Variants in IRAG2 observed in about 807,000 individuals in gnomAD.
The protein encoded by IRAG2 is lymphoid restricted membrane protein.
In IRAG2, 45 loss-of-function variants were observed where a neutral mutation model predicts 69.9. The observed-to-expected ratio is 0.64, with a 90% CI of 0.51 to 0.83. IRAG2 has a LOEUF of 0.83. Ranked by LOEUF, IRAG2 falls within the 40% of genes least tolerant of loss-of-function variation. IRAG2 has a pLI of 0.00. For missense variants in IRAG2, 520 were observed against 587.0 expected (o/e 0.89, Z 1.18); for synonymous variants, 193 against 202.4 (o/e 0.95, Z 0.40).
At chr12:25,035,602 G>C (rs1227636899) in intron 13 of IRAG2, 2 of 398,632 alleles carry the variant, frequency 5.0e-6, no homozygotes, top group Non-Finnish European at 8.9e-6. Context: ...TGAAAGTAAT[G>C]AATGTTCTTT....
At chr12:25,031,462 T>C (rs1186822394) in intron 10 of IRAG2, among the ~76,000 whole-genome samples, 1 of 152,214 alleles carries the variant, frequency 6.6e-6, no homozygotes, top group African/African-American at 2.4e-5. Flanking sequence ...TCATTAGTAC[T>C]GAAAAAAATC....
upstream of IRAG2, among the ~76,000 whole-genome samples, chr12:25,049,780 A>G (rs916476847): frequency 9.2e-5 from 14 of 152,118 alleles, no homozygotes; most frequent in Admixed American, 9.2e-4. Flanking sequence ...CAGGAGATCG[A>G]GACCATCCTG....
In IRAG2 at chr12:25,106,975, A is replaced by G; in HGVS notation, c.1181A>G (p.Glu394Gly). ...TKDDSEPSGE[E>G]TVERTRKPSL... ...GATGACTCAGAGCCATCTGGAGAAG[A>G]AACAGTAGAAAGGACAAGGAAGCCA... Residue 394 changes from glutamate (E) to glycine (G), a missense_variant, in exon 21 of 22, where the codon GAA becomes GGA. Coordinates refer to ENST00000556887, the MANE Select transcript of IRAG2 (RefSeq NM_001366544.2). The G allele has an allele frequency of 6.2e-7, 1 of 1,604,934 alleles. No homozygotes were observed. Among genetic ancestry groups the G allele is most frequent in the Non-Finnish European group, 8.5e-7 (1 of 1,174,488 alleles).
chr12:25,052,226 T>TTA (rs1555130272), upstream of IRAG2: 6 of 386,228 alleles, frequency 1.6e-5, no homozygotes, highest in Non-Finnish European at 1.4e-5. Flanking sequence ...TTTTTTTTTT[T>TTA]AACTCCAGTC....
intron 1 of IRAG2, among the ~76,000 whole-genome samples, chr12:25,059,815 A>G (rs1281817718): frequency 6.6e-6 from 1 of 152,230 alleles, no homozygotes; most frequent in South Asian, 2.1e-4. Flanking sequence ...TAAAAAATTT[A>G]CATAGGTAAT....
chr12:25,049,779 G>C (rs952859666), upstream of IRAG2, among the ~76,000 whole-genome samples: 9 of 151,878 alleles, frequency 5.9e-5, no homozygotes, highest in African/African-American at 2.2e-4. Context: ...TCAGGAGATC[G>C]AGACCATCCT....
chr12:25,101,893 T>C (rs1948769561), intron 16 of IRAG2: 1 of 582,540 alleles, frequency 1.7e-6, no homozygotes, highest in Non-Finnish European at 3.2e-6. Flanking sequence ...ACAGTAACCA[T>C]ATTTGATACT....
chr12:25,058,689 G>T (rs943290305), intron 1 of IRAG2, among the ~76,000 whole-genome samples: 7 of 152,188 alleles, frequency 4.6e-5, no homozygotes, highest in African/African-American at 1.7e-4. Flanking sequence ...CTTTGCCTGA[G>T]ACCTCATTGC....
upstream of IRAG2, chr12:25,052,204 CTTTTTTTTT>C (rs10690368): frequency 1.4e-5 from 4 of 276,896 alleles, no homozygotes; most frequent in South Asian, 2.1e-4. Flanking sequence ...GCGGTTTGGA[CTTTTTTTTT>C]TTTTTTTTTT....
At chr12:25,043,628 G>T (rs1197307675) in intron 16 of IRAG2, among the ~76,000 whole-genome samples, 1 of 151,846 alleles carries the variant, frequency 6.6e-6, no homozygotes, top group East Asian at 1.9e-4. Context: ...ACTATGAGAT[G>T]CATCATGCTC....
chr12:25,032,685 A>G (rs699050), intron 12 of IRAG2, among the ~76,000 whole-genome samples: 56,626 of 151,954 alleles, frequency 0.37, 10,834 homozygotes, highest in African/African-American at 0.4. Context: ...CCCTGTACTA[A>G]GTTGCAGATT....
chr12:25,044,601 G>T (rs971896144), intron 16 of IRAG2, among the ~76,000 whole-genome samples: 1 of 151,952 alleles, frequency 6.6e-6, no homozygotes, highest in Non-Finnish European at 1.5e-5. Flanking sequence ...CAAGCAAATG[G>T]TAGCCAAAAG....
At chr12:25,086,903 C>T (rs981482858) in intron 10 of IRAG2, among the ~76,000 whole-genome samples, 1 of 152,120 alleles carries the variant, frequency 6.6e-6, no homozygotes, top group African/African-American at 2.4e-5. Flanking sequence ...AGCAGCCACA[C>T]ACAACTCCTT....
intron 9 of IRAG2, among the ~76,000 whole-genome samples, chr12:25,082,604 AAAAAACAAAAAAC>A (rs1387656206): frequency 2.8e-5 from 2 of 70,870 alleles, no homozygotes; most frequent in African/African-American, 7.8e-5. Context: ...TGTCTCAAAA[AAAAAACAAAAAAC>A]AAAAACAAAC....
Position 25,069,333 on chromosome 12 carries a change from C to G in IRAG2, c.-58-17C>G. ...GTTTTTTCACCTGTAGTAAATAACT[C>G]TACTTCCTACTGCCAGGTGCCCAGG... is the stretch of plus-strand genomic sequence containing the variant. On this transcript the variant is annotated splice_polypyrimidine_tract_variant and intron_variant, in intron 5 of 21. Transcript: ENST00000556887. 1 of 1,195,914 alleles carries G rather than the reference C, an allele frequency of 8.4e-7. No individual in the cohort carries two copies. Among genetic ancestry groups the G allele is most frequent in the East Asian group, 2.3e-5 (1 of 42,980 alleles). The allele number at this position is 1,195,914 out of a possible 1,614,324, so 74.1% of individuals were successfully genotyped here.
intron 14 of IRAG2, among the ~76,000 whole-genome samples, chr12:25,094,705 C>T (rs532924248): frequency 2.1e-5 from 3 of 140,826 alleles, no homozygotes; most frequent in South Asian, 4.8e-4. Context: ...CCCATGAACA[C>T]AGGGTGTCTT....
At chr12:25,076,001 G>A (rs546163993) in intron 6 of IRAG2, among the ~76,000 whole-genome samples, 3 of 152,110 alleles carry the variant, frequency 2.0e-5, no homozygotes, top group Admixed American at 2.0e-4. Context: ...GCCCAAATGT[G>A]GAAAGTTTTT....
chr12:25,025,403 T>G (rs760993805), intron 8 of IRAG2, among the ~76,000 whole-genome samples: 1 of 152,146 alleles, frequency 6.6e-6, no homozygotes, highest in African/African-American at 2.4e-5. Flanking sequence ...GGCCAGAGTG[T>G]CTGGAGCAAA....
At chr12:25,058,131 A>T (rs11047791) in intron 1 of IRAG2, among the ~76,000 whole-genome samples, 9,879 of 152,250 alleles carry the variant, frequency 0.065, 437 homozygotes, top group Non-Finnish European at 0.094. Context: ...AACTGTTAGG[A>T]CATAGCATAG....
Sources: allele counts gnomAD v4.1 joint callset (sites outside exome capture counted in the v4.1 genomes callset), GRCh38; gene constraint gnomAD v4.1.1; transcripts MANE v1.5; gene names NCBI Gene and HGNC (gene_info 2026-07-23, HGNC 2026-07-21).